The following NAALADL2 variants were observed in gnomAD, a reference collection of about 807,000 sequenced individuals.
The protein encoded by NAALADL2 is N-acetylated alpha-linked acidic dipeptidase like 2.
In NAALADL2, 76 loss-of-function variants were observed where a neutral mutation model predicts 87.2. That is an observed-to-expected ratio of 0.87 (90% CI 0.72 to 1.05). The LOEUF (loss-of-function observed/expected upper bound fraction) is 1.05. NAALADL2 is among the 50% of genes least tolerant of loss of function. The probability of loss-of-function intolerance (pLI) is 0.00; values close to 1 mark genes in which losing one functional copy is unlikely to be tolerated. For missense variants in NAALADL2, 1,089 were observed against 945.8 expected (o/e 1.15, Z -1.99); for synonymous variants, 354 against 331.0 (o/e 1.07, Z -0.75).
intron 2 of NAALADL2, among the ~76,000 whole-genome samples, chr3:174,608,626 C>CTT (rs1159635478): frequency 2.6e-5 from 4 of 152,226 alleles, no homozygotes; most frequent in Admixed American, 2.6e-4. Flanking sequence ...GAAGTTGAAT[C>CTT]CCTGAATAGA....
chr3:175,132,654 G>T (rs1728297638), intron 2 of NAALADL2, among the ~76,000 whole-genome samples: 1 of 124,090 alleles, frequency 8.1e-6, no homozygotes, highest in African/African-American at 3.5e-5. Context: ...TGGCCGGGCG[G>T]GGGGCTGACC....
chr3:175,665,927 C>CA (rs1732911460), intron 11 of NAALADL2, among the ~76,000 whole-genome samples: 1 of 135,646 alleles, frequency 7.4e-6, no homozygotes, highest in African/African-American at 2.9e-5. Flanking sequence ...GGGACTCTGT[C>CA]CCCCCCCCAA....
At chr3:175,412,856 G>C (rs1221926271) in intron 5 of NAALADL2, among the ~76,000 whole-genome samples, 2 of 146,050 alleles carry the variant, frequency 1.4e-5, no homozygotes, top group African/African-American at 5.0e-5. Flanking sequence ...ACTAATTTCT[G>C]GTATACTAAG....
At chr3:175,562,548 T>A (rs1716433241) in intron 9 of NAALADL2, among the ~76,000 whole-genome samples, 1 of 151,984 alleles carries the variant, frequency 6.6e-6, no homozygotes, top group African/African-American at 2.4e-5. Context: ...TTGATTCAAT[T>A]TATATTTTAT....
chr3:175,461,561 A>C (rs924197027), intron 6 of NAALADL2, among the ~76,000 whole-genome samples: 4 of 152,238 alleles, frequency 2.6e-5, no homozygotes, highest in Non-Finnish European at 5.9e-5. Context: ...TCCAGTAAAA[A>C]TTAGTGCATG....
At chr3:174,747,248 C>G (rs1014499975) in intron 3 of NAALADL2, among the ~76,000 whole-genome samples, 1 of 151,944 alleles carries the variant, frequency 6.6e-6, no homozygotes, top group Non-Finnish European at 1.5e-5. Flanking sequence ...GCCAAACAAC[C>G]CCATCAGAAT....
intron 3 of NAALADL2, chr3:175,242,279 C>A (rs1560217353): frequency 6.6e-6 from 1 of 152,184 alleles, no homozygotes; most frequent in African/African-American, 2.4e-5. Context: ...TTTAGGCAAA[C>A]TACTTGCAAA....
chr3:174,496,569 A>G (rs1718554409), intron 1 of NAALADL2, among the ~76,000 whole-genome samples: 1 of 150,168 alleles, frequency 6.7e-6, no homozygotes, highest in African/African-American at 2.4e-5. Context: ...GGCCATATAT[A>G]TGTTACTATC....
intron 6 of NAALADL2, among the ~76,000 whole-genome samples, chr3:175,455,349 T>C (rs1438706110): frequency 1.8e-4 from 27 of 151,876 alleles, no homozygotes; most frequent in Non-Finnish European, 8.8e-5. Flanking sequence ...AAATAGAAAA[T>C]ATGCAGCAAA....
At chr3:175,210,530 T>G (rs1469062436) in intron 2 of NAALADL2, among the ~76,000 whole-genome samples, 2 of 151,798 alleles carry the variant, frequency 1.3e-5, no homozygotes, top group Non-Finnish European at 2.9e-5. Context: ...TATGTAATTA[T>G]ATATTAAATC....
chr3:175,520,209 T>G (rs1444197167), intron 9 of NAALADL2, among the ~76,000 whole-genome samples: 1 of 151,936 alleles, frequency 6.6e-6, no homozygotes, highest in Non-Finnish European at 1.5e-5. Flanking sequence ...GGAATAGGGA[T>G]GGAAGTCACT....
chr3:175,107,059 G>T (rs968416477), intron 2 of NAALADL2, among the ~76,000 whole-genome samples: 3 of 151,810 alleles, frequency 2.0e-5, no homozygotes, highest in African/African-American at 7.3e-5. Flanking sequence ...CCCCATCCTG[G>T]GAAACTATCA....
rs546175360 is a variant in NAALADL2 at position 174,866,001 on chromosome 3, CCAGAACATG to C, written c.43+6553_43+6561del. 7.9e-5 allele frequency among the ~76,000 whole-genome samples: 12 copies of C among 151,842 alleles called. No homozygotes were observed. The South Asian group carries it at 2.3e-3, about 29-fold the overall frequency. ...TTAAAATTTGTATACAAAATATATG[CCAGAACATG>C]CTGAAAAACTGTCAAGCAGGTGACA... is the stretch of plus-strand genomic sequence containing the variant. On this transcript the variant is annotated intron_variant, in intron 1 of 13. Coordinates refer to ENST00000454872, the MANE Select transcript of NAALADL2 (RefSeq NM_207015.3).
chr3:175,409,420 T>C (rs922280593), intron 5 of NAALADL2, among the ~76,000 whole-genome samples: 1 of 151,968 alleles, frequency 6.6e-6, no homozygotes, highest in South Asian at 2.1e-4. Flanking sequence ...TTGAGTGATA[T>C]TTATCAATAA....
At chr3:175,343,660 T>TTTTTTTTTG (rs1762815181) in intron 5 of NAALADL2, among the ~76,000 whole-genome samples, 1 of 133,242 alleles carries the variant, frequency 7.5e-6, no homozygotes, top group African/African-American at 3.1e-5. Flanking sequence ...ATCATGTTTT[T>TTTTTTTTTG]TTTTTTTTTT....
intron 3 of NAALADL2, among the ~76,000 whole-genome samples, chr3:174,781,681 TAAATC>T (rs1469385355): frequency 6.6e-5 from 10 of 151,758 alleles, no homozygotes; most frequent in African/African-American, 7.3e-5. Flanking sequence ...TAAAGAGAAA[TAAATC>T]AGATAGGAAG....
At chr3:174,864,207 AT>A in intron 1 of NAALADL2, 1 of 355,160 alleles carries the variant, frequency 2.8e-6, no homozygotes, top group Non-Finnish European at 5.5e-6. Context: ...GGAAAACAAA[AT>A]CTGAAGTAAA....
chr3:174,777,922 A>G (rs1715417086), intron 3 of NAALADL2, among the ~76,000 whole-genome samples: 1 of 152,112 alleles, frequency 6.6e-6, no homozygotes, highest in Non-Finnish European at 1.5e-5. Context: ...AGTCTTTAGA[A>G]TATCAGAAAG....
chr3:175,224,026 T>C (rs1251301671), intron 2 of NAALADL2, among the ~76,000 whole-genome samples: 1 of 152,020 alleles, frequency 6.6e-6, no homozygotes, highest in Non-Finnish European at 1.5e-5. Context: ...AAGGTTTAAG[T>C]TTTGAAGAGA....
Sources: gnomAD v4.1 joint callset for allele counts (sites outside exome capture counted in the v4.1 genomes callset) on GRCh38, gnomAD v4.1.1 for gene constraint, MANE v1.5 for transcripts, NCBI Gene and HGNC (gene_info 2026-07-23, HGNC 2026-07-21) for gene names.